MEIS2: variants seen among roughly 807,000 people sequenced by gnomAD.
MEIS2 encodes the protein homeobox protein Meis2.
MEIS2 carries 9 observed loss-of-function variants against 58.6 expected under a neutral mutation model. The ratio of observed to expected loss-of-function variants is 0.15; its 90% confidence interval spans 0.09 to 0.27. MEIS2 has a LOEUF of 0.27. Among genes scored for constraint, MEIS2 ranks in the 10% least tolerant of loss-of-function variants. MEIS2 has a pLI of 1.00. For synonymous variants in MEIS2, 221 were observed against 228.4 expected, an observed-to-expected ratio of 0.97 and a Z score of 0.29; for missense variants, 427 against 635.0, an observed-to-expected ratio of 0.67 and a Z score of 3.52.
At chr15:36,929,494 G>A (rs1354360367) in intron 9 of MEIS2, among the ~76,000 whole-genome samples, 5 of 152,140 alleles carry the variant, frequency 3.3e-5, no homozygotes, top group Admixed American at 2.6e-4. Context: ...AGGCTTTTGT[G>A]GGCATGTTTG....
chr15:37,092,615 C>T (rs1243940277), intron 6 of MEIS2, among the ~76,000 whole-genome samples: 2 of 149,556 alleles, frequency 1.3e-5, no homozygotes, highest in African/African-American at 2.5e-5. Context: ...ACTCTTTAAC[C>T]TCGCCACTCT....
intron 11 of MEIS2, chr15:36,894,672 T>C: frequency 7.0e-7 from 1 of 1,436,906 alleles, no homozygotes; most frequent in Non-Finnish European, 9.7e-7. Context: ...TAAAATAAAG[T>C]CTCTGAAGTG....
At chr15:36,917,258 T>A (rs1347142436) in intron 9 of MEIS2, among the ~76,000 whole-genome samples, 7 of 152,216 alleles carry the variant, frequency 4.6e-5, no homozygotes, top group Non-Finnish European at 4.4e-5. Context: ...ACTTCATCTC[T>A]AGAAAAGTTA....
At chr15:37,090,057 C>T (rs1176579243) in intron 6 of MEIS2, among the ~76,000 whole-genome samples, 1 of 152,030 alleles carries the variant, frequency 6.6e-6, no homozygotes, top group Non-Finnish European at 1.5e-5. Flanking sequence ...GTCTAGGAAA[C>T]TAACATGAAC....
chr15:37,053,815 T>C (rs1190545308), intron 7 of MEIS2, among the ~76,000 whole-genome samples: 2 of 152,186 alleles, frequency 1.3e-5, no homozygotes, highest in Non-Finnish European at 2.9e-5. Flanking sequence ...CCACAAGACA[T>C]GATAGGGAGA....
At chr15:36,976,933 G>C (rs191451128) in intron 8 of MEIS2, among the ~76,000 whole-genome samples, 72 of 152,248 alleles carry the variant, frequency 4.7e-4, no homozygotes, top group African/African-American at 1.7e-3. Context: ...AGACCAGCCT[G>C]ACCAACATGG....
intron 2 of MEIS2, among the ~76,000 whole-genome samples, chr15:37,096,989 G>C (rs1255354215): frequency 1.3e-5 from 2 of 152,202 alleles, no homozygotes; most frequent in East Asian, 3.8e-4. Flanking sequence ...TTATAAACTT[G>C]TTTGCTCCTG....
At chr15:36,894,839 AG>A in intron 11 of MEIS2, 1 of 1,548,792 alleles carries the variant, frequency 6.5e-7, no homozygotes, top group Non-Finnish European at 8.9e-7. Context: ...ATCCAAGAAG[AG>A]GCCGGAAAAT....
intron 9 of MEIS2, among the ~76,000 whole-genome samples, chr15:36,908,508 C>T (rs375499452): frequency 7.9e-5 from 12 of 152,148 alleles, no homozygotes; most frequent in South Asian, 2.1e-4. Context: ...ACACACTGTA[C>T]GGCAATTTGA....
intron 8 of MEIS2, among the ~76,000 whole-genome samples, chr15:37,020,495 T>C (rs1488477108): frequency 6.6e-6 from 1 of 152,146 alleles, no homozygotes; most frequent in Non-Finnish European, 1.5e-5. Flanking sequence ...CGAATAGTCC[T>C]CCCCACGCCT....
chr15:37,097,929 C>T, intron 2 of MEIS2, 38 bp downstream of exon 2: 1 of 1,556,300 alleles, frequency 6.4e-7, no homozygotes, highest in African/African-American at 1.4e-5. Context: ...CACTCTCACA[C>T]TCACACACAG....
At chr15:37,010,081 T>TTTTTG (rs889951014) in intron 8 of MEIS2, among the ~76,000 whole-genome samples, 17 of 152,104 alleles carry the variant, frequency 1.1e-4, no homozygotes, top group South Asian at 2.1e-4. Flanking sequence ...CTGTGGGTTT[T>TTTTTG]TTTTGTTTTG....
chr15:37,039,264 T>C (rs946111587), intron 7 of MEIS2, among the ~76,000 whole-genome samples: 1 of 152,236 alleles, frequency 6.6e-6, no homozygotes, highest in African/African-American at 2.4e-5. Context: ...AGATAATGTA[T>C]GTATGGAATA....
At chr15:36,933,290 C>A (rs1022846973) in intron 9 of MEIS2, among the ~76,000 whole-genome samples, 9 of 152,034 alleles carry the variant, frequency 5.9e-5, no homozygotes, top group African/African-American at 2.2e-4. Context: ...AGAAAAAAGC[C>A]CTAAAAATTA....
At chr15:37,034,136 A>G (rs2141724634) in intron 8 of MEIS2, among the ~76,000 whole-genome samples, 1 of 152,142 alleles carries the variant, frequency 6.6e-6, no homozygotes, top group East Asian at 1.9e-4. Context: ...GGGGAAAGAG[A>G]GGAAAGAATG....
chr15:36,964,459 C>A (rs1240667914), intron 8 of MEIS2, among the ~76,000 whole-genome samples: 2 of 152,162 alleles, frequency 1.3e-5, no homozygotes, highest in African/African-American at 2.4e-5. Flanking sequence ...CAGTTAGAAC[C>A]ACTTAGTTGG....
chr15:37,079,566 T>C (rs1424351275), intron 7 of MEIS2, among the ~76,000 whole-genome samples: 1 of 152,096 alleles, frequency 6.6e-6, no homozygotes, highest in Non-Finnish European at 1.5e-5. Context: ...ATTTTATAAC[T>C]ATAACATGTA....
chr15:36,948,171 T>C (rs2058638470), intron 9 of MEIS2, among the ~76,000 whole-genome samples: 1 of 151,944 alleles, frequency 6.6e-6, no homozygotes, highest in Admixed American at 6.6e-5. Context: ...GACAGAAGTG[T>C]CAACGTTTAT....
chr15:36,960,439 C>T (rs1205658888), intron 8 of MEIS2, among the ~76,000 whole-genome samples: 1 of 151,916 alleles, frequency 6.6e-6, no homozygotes, highest in African/African-American at 2.4e-5. Flanking sequence ...AAAAGGAGAA[C>T]CTTCGTAGTG....
Sources: allele counts gnomAD v4.1 joint callset (sites outside exome capture counted in the v4.1 genomes callset), GRCh38; gene constraint gnomAD v4.1.1; transcripts MANE v1.5; gene names NCBI Gene and HGNC (gene_info 2026-07-23, HGNC 2026-07-21).